The following KCNH2 variants were observed in gnomAD, a reference collection of about 807,000 sequenced individuals.
The protein encoded by KCNH2 is potassium voltage-gated channel subfamily H member 2.
In KCNH2, 35 loss-of-function variants were observed where a neutral mutation model predicts 95.9. That is an observed-to-expected ratio of 0.37 (90% CI 0.28 to 0.48). The LOEUF (loss-of-function observed/expected upper bound fraction) is 0.48. KCNH2 is among the 20% of genes least tolerant of loss of function. KCNH2 has a pLI of 0.99. For synonymous variants in KCNH2, 786 were observed against 754.7 expected (o/e 1.04, Z -0.68); for missense variants, 1,274 against 1,702.9 (o/e 0.75, Z 4.43).
intron 5 of KCNH2, chr7:150,955,472 G>C: frequency 6.4e-7 from 1 of 1,556,774 alleles, no homozygotes; most frequent in East Asian, 2.4e-5. Context: ...CAGAGCCCCT[G>C]TCCTGCTCGC....
intron 5 of KCNH2, 112 bp downstream of exon 5, chr7:150,957,179 A>G (rs1339730005): frequency 1.1e-6 from 1 of 876,970 alleles, no homozygotes; most frequent in Non-Finnish European, 1.9e-6. Flanking sequence ...GCCTCCCTCC[A>G]AGAGGCCCTC....
At chr7:150,970,833 T>C (rs988034835) in intron 2 of KCNH2, among the ~76,000 whole-genome samples, 1 of 152,184 alleles carries the variant, frequency 6.6e-6, no homozygotes, top group Admixed American at 6.5e-5. Context: ...AGTTCTCCTG[T>C]GTCTAAGCCC....
At chr7:150,948,419 C>CCCAAAAA in intron 11 of KCNH2, 25 bp downstream of exon 11, 1 of 1,297,842 alleles carries the variant, frequency 7.7e-7, no homozygotes, top group Non-Finnish European at 1.1e-6. Context: ...CCCGCCCTCC[C>CCCAAAAA]CCTTCCTCCC....
intron 8 of KCNH2, 101 bp from the exon 9 acceptor site, chr7:150,950,521 C>T (rs1584851284): frequency 2.1e-6 from 3 of 1,455,820 alleles, no homozygotes; most frequent in East Asian, 2.3e-5. Context: ...GAAATCTCAA[C>T]CTCCAGGCCT....
At chr7:150,950,863 C>T (rs531272738) in intron 8 of KCNH2, 58 bp downstream of exon 8, 38 of 1,562,490 alleles carry the variant, frequency 2.4e-5, no homozygotes, top group Non-Finnish European at 3.3e-5. Context: ...AGAGGTTCCC[C>T]TCTGCCACCC....
chr7:150,975,504 C>G (rs1373615331), intron 1 of KCNH2, among the ~76,000 whole-genome samples: 1 of 152,184 alleles, frequency 6.6e-6, no homozygotes, highest in African/African-American at 2.4e-5. Context: ...TTCTGCACAC[C>G]ACCCCCGCCC....
Position 150,948,804 on chromosome 7 carries a change from C to T in KCNH2, c.2592+52G>A, listed in dbSNP as rs1264558700. ...TCAATGTCACACAGCAAAGGGGCAG[C>T]CACACAGCTGGAAGCAGGAGGATGG... On this transcript the variant is annotated intron_variant, in intron 10 of 14. Coordinates refer to ENST00000262186, the MANE Select transcript of KCNH2 (RefSeq NM_000238.4). The T allele has an allele frequency of 4.6e-6, 7 of 1,527,798 alleles. No individual in the cohort carries two copies. In the Admixed American group the frequency reaches 1.0e-4, roughly 22 times the overall value. The allele number at this position is 1,527,798 out of a possible 1,614,324, so 94.6% of individuals were successfully genotyped here. A position where few individuals can be genotyped will look rare whatever the true frequency, so the allele number is the denominator to read the frequency against.
chr7:150,969,516 G>A (rs1713036162), intron 2 of KCNH2, among the ~76,000 whole-genome samples: 1 of 152,146 alleles, frequency 6.6e-6, no homozygotes, highest in Non-Finnish European at 1.5e-5. Flanking sequence ...TCCACGCAAA[G>A]CAAGGCTAGA....
chr7:150,948,088 C>CTGAA (rs932093468), intron 11 of KCNH2, among the ~76,000 whole-genome samples: 1 of 152,256 alleles, frequency 6.6e-6, no homozygotes, highest in African/African-American at 2.4e-5. Flanking sequence ...GGCAATGGTG[C>CTGAA]TTCAGGGGTT....
At position 150,978,072 on chromosome 7, in the gene KCNH2, G is replaced by C. The variant is rs1802023721; in HGVS notation, c.-159C>G. 1 of 229,906 alleles carries C rather than the reference G, an allele frequency of 4.3e-6. No individual in the cohort carries two copies. The highest frequency in any genetic ancestry group is 5.9e-5 in the Admixed American group (1 of 17,074). 14.2% of individuals were successfully genotyped at this position (229,906 alleles called of 1,614,324 possible). A position where few individuals can be genotyped will look rare whatever the true frequency, so the allele number is the denominator to read the frequency against. ...ACTGGACTGCGGGCGCCGGGTCCTC[G>C]CTCGGCTCCCGGCTCCCCGCTCCGG... On this transcript the variant is annotated 5_prime_UTR_variant, in exon 1 of 15. Coordinates refer to ENST00000262186, the MANE Select transcript of KCNH2 (RefSeq NM_000238.4).
Position 150,947,074 on chromosome 7 carries a change from A to T in KCNH2, c.3153-20T>A, listed in dbSNP as rs531761197. 7.2e-7 allele frequency: 1 copy of T among 1,385,238 alleles called. No individual in the cohort carries two copies. The highest frequency in any genetic ancestry group is 1.6e-5 in the African/African-American group (1 of 64,326). 85.8% of individuals were successfully genotyped at this position (1,385,238 alleles called of 1,614,324 possible). A position where few individuals can be genotyped will look rare whatever the true frequency, so the allele number is the denominator to read the frequency against. On this transcript the variant is annotated intron_variant, in intron 13 of 14. Coordinates refer to ENST00000262186, the MANE Select transcript of KCNH2 (RefSeq NM_000238.4). ...TCCAGCCTGGGGCAGGAAGTGGGGG[A>T]TGCTCAGAGAAGTGGGGACACCAGT...
At chr7:150,950,542 G>A (rs372473972) in intron 8 of KCNH2, 122 bp from the exon 9 acceptor site, 47 of 1,298,758 alleles carry the variant, frequency 3.6e-5, no homozygotes, top group African/African-American at 1.3e-4. Context: ...GGGAGATCTC[G>A]GAAGCATCAG....
intron 9 of KCNH2, chr7:150,949,856 A>G (rs1411201773): frequency 3.8e-6 from 5 of 1,308,836 alleles, no homozygotes; most frequent in Non-Finnish European, 5.0e-6. Context: ...CCAGGCTAGC[A>G]TTTCTTCCTC....
chr7:150,948,831 G>C, intron 10 of KCNH2, 25 bp downstream of exon 10: 1 of 1,606,976 alleles, frequency 6.2e-7, no homozygotes, highest in Non-Finnish European at 8.5e-7. Flanking sequence ...GGAGGATGGG[G>C]TCCAGCTCAG....
chr7:150,947,853 C>CGACACCTCCCCTG lies in KCNH2; in HGVS notation c.2705_2717dup (p.Ala907ArgfsTer17). 1 of 1,528,188 alleles carries CGACACCTCCCCTG rather than the reference C, an allele frequency of 6.5e-7. No individual in the cohort carries two copies. The highest frequency in any genetic ancestry group is 8.7e-7 in the Non-Finnish European group (1 of 1,143,390). The allele number at this position is 1,528,188 out of a possible 1,614,324, so 94.7% of individuals were successfully genotyped here. A position where few individuals can be genotyped will look rare whatever the true frequency, so the allele number is the denominator to read the frequency against. On this transcript the variant is annotated frameshift_variant, in exon 12 of 15. Coordinates refer to ENST00000262186, the MANE Select transcript of KCNH2 (RefSeq NM_000238.4). LOFTEE classifies it high-confidence loss of function. ...CCCCCGCCCGGCCCGGCCCCAAGGC[C>CGACACCTCCCCTG]GACACCTCCCCTGGCTGCTCCGTGT...
rs1335997063 is a variant in KCNH2 at position 150,978,227 on chromosome 7, C to T, written c.-314G>A. The T allele has an allele frequency of 6.8e-6, 1 of 146,648 alleles. No homozygotes were observed. The highest frequency in any genetic ancestry group is 1.5e-5 in the Non-Finnish European group (1 of 65,858). 9.1% of individuals were successfully genotyped at this position (146,648 alleles called of 1,614,324 possible). On this transcript the variant is annotated 5_prime_UTR_variant, in exon 1 of 15. Coordinates refer to ENST00000262186, the MANE Select transcript of KCNH2 (RefSeq NM_000238.4). Reference sequence around the variant, plus strand: ...CGCTGCGCTCCGCCCGCCCGAGCCCCGGACTCCTGGCTCCCGCCTGCCACC... The same window carrying T: ...CGCTGCGCTCCGCCCGCCCGAGCCCTGGACTCCTGGCTCCCGCCTGCCACC...
At chr7:150,957,807 C>G (rs1177328133) in intron 4 of KCNH2, among the ~76,000 whole-genome samples, 1 of 152,232 alleles carries the variant, frequency 6.6e-6, no homozygotes, top group African/African-American at 2.4e-5. Context: ...CATCCCTGCT[C>G]CAGGCCGTCC....
At chr7:150,967,734 C>G (rs1563182338) in intron 2 of KCNH2, among the ~76,000 whole-genome samples, 1 of 152,212 alleles carries the variant, frequency 6.6e-6, no homozygotes. Context: ...TTCAAAAGTA[C>G]AAACAAAGCT....
intron 11 of KCNH2, 79 bp from the exon 12 acceptor site, chr7:150,947,957 GCGAGCC>G: frequency 1.4e-6 from 2 of 1,452,272 alleles, no homozygotes; most frequent in Non-Finnish European, 1.8e-6. Context: ...GGGGACAGGA[GCGAGCC>G]CGAGAGAGGA....
Sources: gnomAD v4.1 joint callset for allele counts (sites outside exome capture counted in the v4.1 genomes callset) on GRCh38, gnomAD v4.1.1 for gene constraint, MANE v1.5 for transcripts, NCBI Gene and HGNC (gene_info 2026-07-23, HGNC 2026-07-21) for gene names.